RP9: variants seen among roughly 807,000 people sequenced by gnomAD.
RP9 encodes the protein retinitis pigmentosa 9 protein.
In RP9, 23 loss-of-function variants were observed where a neutral mutation model predicts 32.6. That is an observed-to-expected ratio of 0.71 (90% confidence interval 0.51 to 1.00). The LOEUF (loss-of-function observed/expected upper bound fraction) is 1.00. RP9 is among the 50% of genes least tolerant of loss of function. RP9 has a pLI of 0.00. For missense variants in RP9, 245 were observed against 285.3 expected, an observed-to-expected ratio of 0.86 and a Z score of 1.02; for synonymous variants, 94 against 103.6, an observed-to-expected ratio of 0.91 and a Z score of 0.56.
At chr7:33,107,521 A>G (rs1251338226) in intron 1 of RP9, among the ~76,000 whole-genome samples, 1 of 152,170 alleles carries the variant, frequency 6.6e-6, no homozygotes, top group African/African-American at 2.4e-5. Context: ...TGGGAGACCA[A>G]GAGCGCCACA....
intron 2 of RP9, chr7:33,100,315 T>TG: frequency 1.6e-6 from 1 of 618,554 alleles, no homozygotes; most frequent in African/African-American, 1.8e-5. Flanking sequence ...GGGCCTGCAC[T>TG]GGTTCTTCAG....
rs755860459 is a variant in RP9 at position 33,097,229 on chromosome 7, A to G, written c.405+42T>C. 9.3e-6 allele frequency: 13 copies of G among 1,402,062 alleles called. No individual in the cohort carries two copies. The East Asian group carries it at 2.7e-4, about 29-fold the overall frequency. 86.9% of individuals were successfully genotyped at this position (1,402,062 alleles called of 1,614,324 possible). A position where few individuals can be genotyped will look rare whatever the true frequency, so the allele number is the denominator to read the frequency against. ...ACTTTCTGCTTCACTGATTTTCACTATCTCTGATAAATGTAAATTGACACT... is the reference window on the plus strand; with the variant it reads ...ACTTTCTGCTTCACTGATTTTCACTGTCTCTGATAAATGTAAATTGACACT... On this transcript the variant is annotated intron_variant, in intron 4 of 5. Transcript: ENST00000297157.
chr7:33,095,928 G>C (rs1788325932), intron 5 of RP9, among the ~76,000 whole-genome samples: 1 of 151,988 alleles, frequency 6.6e-6, no homozygotes, highest in Non-Finnish European at 1.5e-5. Flanking sequence ...ACCTACTGGG[G>C]TCAAGTAGAT....
Position 33,099,342 on chromosome 7 carries a change from C to T in RP9, c.278G>A (p.Trp93Ter), listed in dbSNP as rs1350640504. 4.3e-6 allele frequency: 7 copies of T among 1,613,566 alleles called. No individual in the cohort carries two copies. The highest frequency in any genetic ancestry group is 1.3e-5 in the African/African-American group (1 of 74,790). The change falls in exon 3 of 6, where the codon TGG becomes TAG. Residue 93 changes from tryptophan to a stop codon, truncating the protein, a stop_gained. Coordinates refer to ENST00000297157, the MANE Select transcript of RP9 (RefSeq NM_203288.2). LOFTEE classifies it high-confidence loss of function. ...TTTGACTTCTTTCCCCAGTGGCATCCAAAGTCCTTTAGTTGGTGCATGAGC... is the reference window on the plus strand; with the variant it reads ...TTTGACTTCTTTCCCCAGTGGCATCTAAAGTCCTTTAGTTGGTGCATGAGC... ...FLAHAPTKGL[W>*]MPLGKEVKVM...
chr7:33,105,182 T>TA (rs1035027461), intron 1 of RP9, among the ~76,000 whole-genome samples: 4 of 151,696 alleles, frequency 2.6e-5, no homozygotes, highest in African/African-American at 9.7e-5. Flanking sequence ...AGAGTCTAGG[T>TA]AAAAAATGAA....
intron 1 of RP9, among the ~76,000 whole-genome samples, chr7:33,108,492 A>G (rs1788530969): frequency 6.6e-6 from 1 of 152,200 alleles, no homozygotes; most frequent in African/African-American, 2.4e-5. Flanking sequence ...ATAAAGTATG[A>G]CTGCTTTTTT....
chr7:33,104,244 T>G (rs969039043), intron 1 of RP9, among the ~76,000 whole-genome samples: 2 of 152,026 alleles, frequency 1.3e-5, no homozygotes, highest in Admixed American at 1.3e-4. Flanking sequence ...ATTCATGACA[T>G]GTCAAGAAAA....
chr7:33,099,132 C>T lies in RP9; in HGVS notation c.313+175G>A, dbSNP rs533519021. On this transcript the variant is annotated intron_variant, in intron 3 of 5. Coordinates refer to ENST00000297157, the MANE Select transcript of RP9 (RefSeq NM_203288.2). ...GCTTAAGATGACAGCCCTCTTTCTT[C>T]TTCACATGGCACGGTGGTGGGGGGT... The T allele has an allele frequency of 8.2e-6, 6 of 727,320 alleles. No homozygotes were observed. The South Asian group carries it at 8.3e-5, about 10-fold the overall frequency. The allele number at this position is 727,320 out of a possible 1,614,324, so 45.1% of individuals were successfully genotyped here.
rs758016690 is a variant in RP9 at position 33,095,241 on chromosome 7, G to A, written c.659C>T (p.Ser220Leu). ...GAACAAGTCACATCCTTGTCACTCT[G>A]AGTCAGAACCCTCATTTGACTTGGA... ...KSSKSNEGSD[S>L]E is the part of the protein sequence containing the mutation. The change falls in exon 6 of 6, where the codon TCA (serine) becomes TTA (leucine). Residue 220 changes from serine (S) to leucine (L), a missense_variant. Ser to Leu is a moderately radical substitution (Grantham distance 145, BLOSUM62 -2). Around this residue, in one of 2 missense-constraint regions of RP9, gnomAD observed 63 missense variants for 109.8 expected, o/e 0.57. Transcript: ENST00000297157. The A allele has an allele frequency of 8.7e-6, 14 of 1,608,374 alleles. No homozygotes were observed. The highest frequency in any genetic ancestry group is 1.6e-4 in the Middle Eastern group (1 of 6,068).
chr7:33,103,120 G>A (rs1788451611), intron 1 of RP9, among the ~76,000 whole-genome samples: 2 of 152,236 alleles, frequency 1.3e-5, no homozygotes, highest in African/African-American at 4.8e-5. Flanking sequence ...AACATCAGAG[G>A]AAGTTTTCAA....
In RP9 at chr7:33,109,208, G is replaced by T; in HGVS notation, c.152+13C>A. The T allele has an allele frequency of 6.7e-7, 1 of 1,493,084 alleles. No individual in the cohort carries two copies. 92.5% of individuals were successfully genotyped at this position (1,493,084 alleles called of 1,614,324 possible). Reference sequence around the variant, plus strand: ...GAAGACTGGCCGCGCGCGGACGGCAGCTCGGGACTCACAAGGACTCCAGGT... The same window carrying T: ...GAAGACTGGCCGCGCGCGGACGGCATCTCGGGACTCACAAGGACTCCAGGT... On this transcript the variant is annotated intron_variant, in intron 1 of 5. Transcript: ENST00000297157. This position sits in a 1 kb window ranked among gnomAD's most constrained non-coding sequence, Gnocchi z 4.9.
chr7:33,098,800 G>T (rs1788380078), intron 3 of RP9, among the ~76,000 whole-genome samples: 1 of 152,112 alleles, frequency 6.6e-6, no homozygotes, highest in South Asian at 2.1e-4. Flanking sequence ...AAAAGTAAAG[G>T]TCTTAACATT....
In RP9 at chr7:33,099,366, G is replaced by C; in HGVS notation, c.254C>G (p.Ala85Gly). The C allele has an allele frequency of 6.2e-7, 1 of 1,613,700 alleles. No individual in the cohort carries two copies. Among genetic ancestry groups the C allele is most frequent in the South Asian group, 1.1e-5 (1 of 91,040 alleles). Residue 85 changes from alanine to glycine, a missense_variant, in exon 3 of 6, where the codon GCT becomes GGT. Transcript: ENST00000297157. ...PGNEHAREFL[A>G]HAPTKGLWMP... ...CCAAAGTCCTTTAGTTGGTGCATGA[G>C]CCAGAAATTCCCTGGCGTGTTCATT...
intron 5 of RP9, among the ~76,000 whole-genome samples, chr7:33,095,977 T>TGC (rs934377455): frequency 1.3e-5 from 2 of 152,038 alleles, no homozygotes; most frequent in African/African-American, 4.8e-5. Context: ...GAACTACAGG[T>TGC]GCGTGCTGCC....
intron 1 of RP9, among the ~76,000 whole-genome samples, chr7:33,104,147 A>C (rs1788466668): frequency 6.6e-6 from 1 of 152,196 alleles, no homozygotes; most frequent in Non-Finnish European, 1.5e-5. Flanking sequence ...CAAAGACAGA[A>C]GAGATAGAGC....
chr7:33,101,295 G>A (rs114296073), intron 1 of RP9, among the ~76,000 whole-genome samples: 1 of 152,134 alleles, frequency 6.6e-6, no homozygotes, highest in Non-Finnish European at 1.5e-5. Flanking sequence ...AATAGACAAA[G>A]GGAAAAGTGA....
intron 5 of RP9, among the ~76,000 whole-genome samples, chr7:33,095,680 C>A (rs1035064462): frequency 6.6e-6 from 1 of 152,194 alleles, no homozygotes; most frequent in African/African-American, 2.4e-5. Flanking sequence ...TTTCCACAGT[C>A]CTTACAATTG....
rs1788542456 is a variant in RP9, at chr7:33,109,045, G to A, written c.152+176C>T. 6.6e-6 allele frequency among the ~76,000 whole-genome samples: 1 copy of A among 152,100 alleles called. No individual in the cohort carries two copies. Among genetic ancestry groups the A allele is most frequent in the East Asian group, 1.9e-4 (1 of 5,148 alleles). ...GCCCCGCCAGGAGGATGGACTTCAA[G>A]TCCTTGACCGCGGCGCCCGACATCG... On this transcript the variant is annotated intron_variant, in intron 1 of 5. Transcript: ENST00000297157. The surrounding 1 kb of genome is among the most constrained non-coding windows in gnomAD (Gnocchi z 4.9).
At chr7:33,096,422 G>T in intron 5 of RP9, 71 bp downstream of exon 5, 1 of 1,031,634 alleles carries the variant, frequency 9.7e-7, no homozygotes. Context: ...TCTAACACTA[G>T]AGTGGTTTTC....
Sources: gnomAD v4.1 joint callset for allele counts (sites outside exome capture counted in the v4.1 genomes callset) on GRCh38, gnomAD v4.1.1 for gene constraint, gnomAD v4.1.1 regional missense constraint, Gnocchi (gnomAD v3.1) non-coding constraint, MANE v1.5 for transcripts, NCBI Gene and HGNC (gene_info 2026-07-23, HGNC 2026-07-21) for gene names.